CD2AP: variants seen among roughly 807,000 people sequenced by gnomAD.
CD2AP encodes the protein CD2-associated protein.
Under a neutral mutation model 85.1 loss-of-function variants are expected in CD2AP, and 46 were observed. The observed-to-expected ratio is 0.54, with a 90% confidence interval of 0.43 to 0.69. CD2AP has a LOEUF of 0.69. Among genes scored for constraint, CD2AP ranks in the 30% least tolerant of loss-of-function variants. The pLI is 0.00. For synonymous variants in CD2AP, 255 were observed against 252.9 expected, an observed-to-expected ratio of 1.01 and a Z score of -0.08; for missense variants, 769 against 729.5, an observed-to-expected ratio of 1.05 and a Z score of -0.62.
intron 5 of CD2AP, among the ~76,000 whole-genome samples, chr6:47,572,578 G>C (rs941352396): frequency 2.0e-5 from 3 of 152,094 alleles, no homozygotes; most frequent in Admixed American, 2.0e-4. Context: ...TGGTCATTTC[G>C]ATAGATGCAA....
intron 6 of CD2AP, among the ~76,000 whole-genome samples, chr6:47,576,092 A>G (rs183369168): frequency 4.8e-4 from 73 of 152,224 alleles, no homozygotes; most frequent in African/African-American, 1.6e-3. Flanking sequence ...TGTAGTTTTT[A>G]GAGATAGGGT....
intron 1 of CD2AP, among the ~76,000 whole-genome samples, chr6:47,486,427 CGA>C (rs199920707): frequency 0.019 from 2,837 of 151,950 alleles, 41 homozygotes; most frequent in South Asian, 0.079. Context: ...GAAAAATAAA[CGA>C]GAGAGAGAGT....
intron 5 of CD2AP, among the ~76,000 whole-genome samples, chr6:47,560,314 A>G (rs1767821313): frequency 6.6e-6 from 1 of 152,156 alleles, no homozygotes; most frequent in East Asian, 1.9e-4. Context: ...ATCAAAATCA[A>G]GACATTTAAT....
chr6:47,490,606 G>A (rs1431695242), intron 1 of CD2AP, among the ~76,000 whole-genome samples: 1 of 151,880 alleles, frequency 6.6e-6, no homozygotes, highest in Non-Finnish European at 1.5e-5. Context: ...TAATTTCTTT[G>A]TTTTTAGAAC....
chr6:47,547,486 CTA>C (rs35297636), intron 4 of CD2AP, among the ~76,000 whole-genome samples: 1 of 151,122 alleles, frequency 6.6e-6, no homozygotes, highest in Non-Finnish European at 1.5e-5. Flanking sequence ...TATCACAATT[CTA>C]TATATATATA....
intron 5 of CD2AP, among the ~76,000 whole-genome samples, chr6:47,567,465 A>G (rs1315412321): frequency 6.6e-6 from 1 of 152,224 alleles, no homozygotes; most frequent in African/African-American, 2.4e-5. Flanking sequence ...CAACATAGGC[A>G]TGATTTACCC....
At chr6:47,606,767 A>T (rs538224047) in intron 14 of CD2AP, among the ~76,000 whole-genome samples, 104 of 152,102 alleles carry the variant, frequency 6.8e-4, no homozygotes, top group African/African-American at 2.4e-3. Context: ...TAATTATATC[A>T]GGGTAAATGC....
At chr6:47,512,476 A>G (rs1240562509) in intron 2 of CD2AP, among the ~76,000 whole-genome samples, 1 of 152,246 alleles carries the variant, frequency 6.6e-6, no homozygotes, top group Non-Finnish European at 1.5e-5. Context: ...AAGAACAATG[A>G]TAGTCAAATT....
chr6:47,608,001 A>T lies in CD2AP; in HGVS notation c.1605A>T (p.Leu535Phe), dbSNP rs764649544. 3.1e-6 allele frequency: 5 copies of T among 1,611,330 alleles called. No homozygotes were observed. In the Admixed American group the frequency reaches 5.0e-5, roughly 16 times the overall value. ...GTGCCAACCTGAAGCCATCTGAATT[A>T]AAAAAAGATACATGCTACTCTCCAA... ...EDSANLKPSE[L>F]KKDTCYSPKP... is the part of the protein sequence containing the mutation. The change falls in exon 15 of 18, where the codon TTA becomes TTT. Residue 535 changes from leucine to phenylalanine, a missense_variant. Transcript: ENST00000359314.
At chr6:47,616,216 C>T (rs111310048) in intron 17 of CD2AP, among the ~76,000 whole-genome samples, 2,380 of 150,824 alleles carry the variant, frequency 0.016, 45 homozygotes, top group African/African-American at 0.039. Context: ...CTCAGCCTCC[C>T]GGGTAGCTAG....
chr6:47,530,312 G>GATGCAGA (rs1419895449), intron 2 of CD2AP, among the ~76,000 whole-genome samples: 2 of 152,144 alleles, frequency 1.3e-5, no homozygotes, highest in African/African-American at 4.8e-5. Flanking sequence ...GCACAATAAA[G>GATGCAGA]ATGCAGAGGC....
At chr6:47,523,683 A>G (rs538997443) in intron 2 of CD2AP, among the ~76,000 whole-genome samples, 2 of 152,256 alleles carry the variant, frequency 1.3e-5, no homozygotes, top group East Asian at 1.9e-4. Flanking sequence ...CACATAGACT[A>G]TATTCAGTGA....
At chr6:47,498,805 T>C (rs1203101658) in intron 1 of CD2AP, among the ~76,000 whole-genome samples, 1 of 152,196 alleles carries the variant, frequency 6.6e-6, no homozygotes, top group Non-Finnish European at 1.5e-5. Context: ...AATCATGAAG[T>C]TGTAGAAATG....
At chr6:47,501,771 G>A (rs1465730639) in intron 1 of CD2AP, among the ~76,000 whole-genome samples, 1 of 151,968 alleles carries the variant, frequency 6.6e-6, no homozygotes, top group Non-Finnish European at 1.5e-5. Context: ...AGCTGTTATT[G>A]CTTTTTAAAA....
intron 2 of CD2AP, among the ~76,000 whole-genome samples, chr6:47,522,579 A>G (rs1766624753): frequency 6.6e-6 from 1 of 152,202 alleles, no homozygotes; most frequent in Non-Finnish European, 1.5e-5. Flanking sequence ...ACCTTGATAT[A>G]AAGTGTTCTA....
chr6:47,517,386 C>G lies in CD2AP; in HGVS notation c.165+13946C>G, dbSNP rs7767349. ...CGCTGCAGCCTCGACTTTCTGGGCTCAAGCGATCCTCTCACCTCAGCCTGA... is the reference window on the plus strand; with the variant it reads ...CGCTGCAGCCTCGACTTTCTGGGCTGAAGCGATCCTCTCACCTCAGCCTGA... On this transcript the variant is annotated intron_variant, in intron 2 of 17. Coordinates refer to ENST00000359314, the MANE Select transcript of CD2AP (RefSeq NM_012120.3). Among the ~76,000 whole-genome samples the G allele has an allele frequency of 7.9e-3, 1,197 of 151,956 alleles. 13 individuals are homozygous for G. Among genetic ancestry groups the G allele is most frequent in the African/African-American group, 0.027 (1,117 of 41,422 alleles).
chr6:47,537,403 G>A (rs1767080606), intron 3 of CD2AP, among the ~76,000 whole-genome samples: 1 of 151,840 alleles, frequency 6.6e-6, no homozygotes, highest in Admixed American at 6.6e-5. Flanking sequence ...GATCATCTTG[G>A]GGTTAGAACA....
chr6:47,511,652 AT>A (rs1171360934), intron 2 of CD2AP, among the ~76,000 whole-genome samples: 1 of 152,160 alleles, frequency 6.6e-6, no homozygotes, highest in Non-Finnish European at 1.5e-5. Context: ...CCAAAGCAAA[AT>A]TTTATTTAAA....
At chr6:47,487,562 C>A in intron 1 of CD2AP, among the ~76,000 whole-genome samples, 1 of 151,966 alleles carries the variant, frequency 6.6e-6, no homozygotes, top group Non-Finnish European at 1.5e-5. Context: ...TGGTGGCGGG[C>A]GCCTGTAGTC....
Sources: gnomAD v4.1 joint callset for allele counts (sites outside exome capture counted in the v4.1 genomes callset) on GRCh38, gnomAD v4.1.1 for gene constraint, MANE v1.5 for transcripts, NCBI Gene and HGNC (gene_info 2026-07-23, HGNC 2026-07-21) for gene names.